The following ARHGAP42 variants were observed in gnomAD, a reference collection of about 807,000 sequenced individuals.
The protein encoded by ARHGAP42 is rho GTPase-activating protein 42.
A neutral mutation model predicts 125.0 loss-of-function variants in ARHGAP42; 63 were observed. That is an observed-to-expected ratio of 0.50 (90% CI 0.41 to 0.62). ARHGAP42 has a LOEUF of 0.62. Ranked by LOEUF, ARHGAP42 falls within the 20% of genes least tolerant of loss-of-function variation. The pLI is 0.00. For synonymous variants in ARHGAP42, 339 were observed against 351.0 expected (o/e 0.97, Z 0.38); for missense variants, 766 against 1,024.2 (o/e 0.75, Z 3.44).
At chr11:100,983,733 G>A (rs550012258) in intron 22 of ARHGAP42, among the ~76,000 whole-genome samples, 1 of 152,296 alleles carries the variant, frequency 6.6e-6, no homozygotes, top group African/African-American at 2.4e-5. Flanking sequence ...TACAGGCTCA[G>A]GTGGAAGTTT....
chr11:100,751,204 G>T (rs1184699183), intron 1 of ARHGAP42, among the ~76,000 whole-genome samples: 1 of 151,402 alleles, frequency 6.6e-6, no homozygotes, highest in Non-Finnish European at 1.5e-5. Flanking sequence ...CTCCCAAAGA[G>T]CTGGGATTAT....
chr11:100,933,612 CACAGATGGT>C (rs1406895415), intron 7 of ARHGAP42, among the ~76,000 whole-genome samples: 1 of 152,072 alleles, frequency 6.6e-6, no homozygotes, highest in Non-Finnish European at 1.5e-5. Context: ...TCTCAGCATA[CACAGATGGT>C]AACTGTGGTG....
In ARHGAP42 at chr11:100,806,258, C is replaced by T. The variant is rs563013461; in HGVS notation, c.312+11092C>T. Among the ~76,000 whole-genome samples, 18 of 152,238 alleles carry T rather than the reference C, an allele frequency of 1.2e-4. No homozygotes were observed. The South Asian group carries it at 2.3e-3, about 19-fold the overall frequency. ...TGAAGTAGTAGAATATTTTAAATAT[C>T]GAAAGAATTACGTATCCCCATTTCT... On this transcript the variant is annotated intron_variant, in intron 3 of 23. Coordinates refer to ENST00000298815, the MANE Select transcript of ARHGAP42 (RefSeq NM_152432.4).
At chr11:100,879,742 C>G (rs574423230) in intron 4 of ARHGAP42, among the ~76,000 whole-genome samples, 1 of 152,212 alleles carries the variant, frequency 6.6e-6, no homozygotes, top group African/African-American at 2.4e-5. Flanking sequence ...TGCCTCCTCT[C>G]TTCAGCTTCT....
At chr11:100,727,601 A>G (rs539212457) in intron 1 of ARHGAP42, among the ~76,000 whole-genome samples, 1 of 152,234 alleles carries the variant, frequency 6.6e-6, no homozygotes, top group Non-Finnish European at 1.5e-5. Flanking sequence ...TGAAGCCTCT[A>G]TACAATTCCA....
rs571241111 is a variant in ARHGAP42, at chr11:100,781,929, C to T, written c.250+11491C>T. Among the ~76,000 whole-genome samples the T allele has an allele frequency of 4.0e-3, 521 of 131,156 alleles. 4 individuals are homozygous for T. The highest frequency in any genetic ancestry group is 0.013 in the African/African-American group (494 of 37,746). The allele number at this position is 131,156 out of a possible 152,430, so 86.0% of individuals were successfully genotyped here. On this transcript the variant is annotated intron_variant, in intron 2 of 23. Transcript: ENST00000298815. ...CTGAGGCACACTGGCTGCACCACCACGAGATTTTTTTTTTTTTTTGTGCAT... is the reference window on the plus strand; with the variant it reads ...CTGAGGCACACTGGCTGCACCACCATGAGATTTTTTTTTTTTTTTGTGCAT...
At chr11:100,983,365 T>TG (rs1411930471) in intron 22 of ARHGAP42, among the ~76,000 whole-genome samples, 2 of 152,186 alleles carry the variant, frequency 1.3e-5, no homozygotes. Flanking sequence ...ATACCCAACA[T>TG]AATACAAAAT....
rs1868085048 is a variant in ARHGAP42 at position 100,948,544 on chromosome 11, A to G, written c.1122+9A>G. Reference sequence around the variant, plus strand: ...TGGATGGGAAGGAACCGGTAAGACTATGACACATTCTATAATTTAGGTTTT... The same window carrying G: ...TGGATGGGAAGGAACCGGTAAGACTGTGACACATTCTATAATTTAGGTTTT... On this transcript the variant is annotated intron_variant, in intron 11 of 23. Transcript: ENST00000298815. 2.6e-6 allele frequency: 4 copies of G among 1,539,820 alleles called. No individual in the cohort carries two copies. Among genetic ancestry groups the G allele is most frequent in the Non-Finnish European group, 3.5e-6 (4 of 1,141,030 alleles).
rs1858825001 is a variant in ARHGAP42 at position 100,991,274 on chromosome 11, G to A, written c.*2473G>A. 6.6e-6 allele frequency: 1 copy of A among 152,138 alleles called. No homozygotes were observed. Among genetic ancestry groups the A allele is most frequent in the African/African-American group, 2.4e-5 (1 of 41,420 alleles). 9.4% of individuals were successfully genotyped at this position (152,138 alleles called of 1,614,324 possible). ...AGTTTCCTACAGATAAGGTATTTAT[G>A]AGCACTGAGAAAGTCAGGACATGTA... is the stretch of plus-strand genomic sequence containing the variant. On this transcript the variant is annotated 3_prime_UTR_variant, in exon 24 of 24. Transcript: ENST00000298815.
intron 3 of ARHGAP42, among the ~76,000 whole-genome samples, chr11:100,807,840 C>G (rs1256159858): frequency 6.6e-6 from 1 of 152,192 alleles, no homozygotes; most frequent in Non-Finnish European, 1.5e-5. Flanking sequence ...TATCTTTGCA[C>G]TTTTGGAAAT....
chr11:100,705,641 C>T (rs1861470920), intron 1 of ARHGAP42, among the ~76,000 whole-genome samples: 4 of 152,176 alleles, frequency 2.6e-5, no homozygotes, highest in Admixed American at 2.0e-4. Flanking sequence ...TTATAAATAA[C>T]CACCACCATG....
Position 100,976,810 on chromosome 11 carries a change from T to G in ARHGAP42, c.2237-5T>G. On this transcript the variant is annotated splice_polypyrimidine_tract_variant and splice_region_variant and intron_variant, in intron 20 of 23. Coordinates refer to ENST00000298815, the MANE Select transcript of ARHGAP42 (RefSeq NM_152432.4). ...CTTGCCTATTTTCTTGGGCTTTCTT[T>G]TTAGGAAACAAGAGCTACAGTGGAT... 6.5e-7 allele frequency: 1 copy of G among 1,549,620 alleles called. No individual in the cohort carries two copies.
chr11:100,896,707 T>C (rs1866375186), intron 4 of ARHGAP42, among the ~76,000 whole-genome samples: 1 of 152,238 alleles, frequency 6.6e-6, no homozygotes, highest in Admixed American at 6.5e-5. Flanking sequence ...TCTTGTAAAT[T>C]TAATTGAATT....
intron 3 of ARHGAP42, among the ~76,000 whole-genome samples, chr11:100,855,614 A>G (rs543342473): frequency 1.3e-4 from 20 of 152,210 alleles, no homozygotes; most frequent in African/African-American, 4.3e-4. Flanking sequence ...TTCAAACCAC[A>G]TAAAAGCGTT....
In ARHGAP42 at chr11:100,687,518, C is replaced by T; in HGVS notation, c.-161C>T. ...GGAAGACTGAGCCCGGCGCAGGCGG[C>T]GCGGCGCTCGGGGCCCGTTTCCTCC... On this transcript the variant is annotated 5_prime_UTR_variant, in exon 1 of 24. Transcript: ENST00000298815. The T allele has an allele frequency of 5.0e-6, 2 of 403,110 alleles. No homozygotes were observed. Among genetic ancestry groups the T allele is most frequent in the Non-Finnish European group, 7.3e-6 (2 of 273,834 alleles). 25.0% of individuals were successfully genotyped at this position (403,110 alleles called of 1,614,324 possible).
At chr11:100,789,699 A>C (rs1018511990) in intron 2 of ARHGAP42, among the ~76,000 whole-genome samples, 1 of 152,228 alleles carries the variant, frequency 6.6e-6, no homozygotes, top group Non-Finnish European at 1.5e-5. Flanking sequence ...GTCATGCTGC[A>C]CTGGAAGGCC....
chr11:100,729,049 G>T (rs1486108271), intron 1 of ARHGAP42, among the ~76,000 whole-genome samples: 1 of 150,902 alleles, frequency 6.6e-6, no homozygotes, highest in African/African-American at 2.4e-5. Context: ...GATTACAGGT[G>T]TGAGCCACTG....
chr11:100,973,918 G>T (rs760854269), intron 18 of ARHGAP42, among the ~76,000 whole-genome samples: 2 of 152,056 alleles, frequency 1.3e-5, no homozygotes, highest in Non-Finnish European at 2.9e-5. Context: ...TCCTCCCCTG[G>T]GTCCCTTCCC....
At chr11:100,824,544 A>G (rs1262820027) in intron 3 of ARHGAP42, among the ~76,000 whole-genome samples, 1 of 152,214 alleles carries the variant, frequency 6.6e-6, no homozygotes, top group Admixed American at 6.5e-5. Context: ...ACATGAATTC[A>G]ATAACTAGTT....
Sources: gnomAD v4.1 joint callset for allele counts (sites outside exome capture counted in the v4.1 genomes callset) on GRCh38, gnomAD v4.1.1 for gene constraint, MANE v1.5 for transcripts, NCBI Gene and HGNC (gene_info 2026-07-23, HGNC 2026-07-21) for gene names.